The following GCSAML variants were observed in gnomAD, a reference collection of about 807,000 sequenced individuals.
The protein encoded by GCSAML is germinal center-associated signaling and motility-like protein.
Under a neutral mutation model 13.0 loss-of-function variants are expected in GCSAML, and 9 were observed. The observed-to-expected ratio is 0.69, with a 90% CI of 0.42 to 1.21. GCSAML has a LOEUF of 1.21. Ranked by LOEUF, GCSAML falls within the 50% of genes most tolerant of loss-of-function variation. GCSAML has a pLI of 0.00. For synonymous variants in GCSAML, 37 were observed against 52.9 expected (o/e 0.70, Z 1.31); for missense variants, 143 against 153.4 (o/e 0.93, Z 0.36).
At chr1:247,536,018 A>C (rs1667204321) in intron 2 of GCSAML, 1 of 152,202 alleles carries the variant, frequency 6.6e-6, no homozygotes, top group South Asian at 2.1e-4. Context: ...CTAGAATATC[A>C]AAGGCCACAT....
intron 1 of GCSAML, among the ~76,000 whole-genome samples, chr1:247,508,770 C>A (rs184692997): frequency 1.3e-5 from 2 of 152,268 alleles, no homozygotes; most frequent in Non-Finnish European, 2.9e-5. Flanking sequence ...AGAAGGAATT[C>A]TTTCCCCATT....
chr1:247,551,591 A>G (rs1667778810), intron 1 of GCSAML, among the ~76,000 whole-genome samples: 1 of 152,216 alleles, frequency 6.6e-6, no homozygotes, highest in South Asian at 2.1e-4. Flanking sequence ...ATACCAAAGA[A>G]GATGCAGGGG....
At chr1:247,517,877 G>A (rs1666268243) in intron 1 of GCSAML, among the ~76,000 whole-genome samples, 1 of 152,190 alleles carries the variant, frequency 6.6e-6, no homozygotes, top group Non-Finnish European at 1.5e-5. Flanking sequence ...GAGGGTCAAT[G>A]AGAGCTCGCG....
At chr1:247,553,920 T>A (rs1359380034) in intron 1 of GCSAML, among the ~76,000 whole-genome samples, 7 of 152,264 alleles carry the variant, frequency 4.6e-5, no homozygotes, top group Non-Finnish European at 1.0e-4. Context: ...ATTTCTGGGA[T>A]AAAACCCATT....
chr1:247,530,168 A>G (rs1232443394), intron 2 of GCSAML: 1 of 152,168 alleles, frequency 6.6e-6, no homozygotes, highest in Admixed American at 6.5e-5. Context: ...CTACTTTCAT[A>G]TTATATACAT....
rs375418538 is a variant in GCSAML, at chr1:247,563,554, C to G, written c.90-36C>G. On this transcript the variant is annotated intron_variant, in intron 2 of 4. Coordinates refer to ENST00000366488, the MANE Select transcript of GCSAML (RefSeq NM_145278.5). The stretch of plus-strand genomic sequence containing the variant: ...AAAGGCATTTTCAGCTTTGGAGAAC[C>G]TGGAGTATCTCATGTTACTATCTCT... The G allele has an allele frequency of 7.5e-6, 10 of 1,339,218 alleles. No homozygotes were observed. The East Asian group carries it at 1.4e-4, about 19-fold the overall frequency. 83.0% of individuals were successfully genotyped at this position (1,339,218 alleles called of 1,614,324 possible).
chr1:247,559,723 T>A (rs1343145168), intron 2 of GCSAML, among the ~76,000 whole-genome samples: 1 of 152,214 alleles, frequency 6.6e-6, no homozygotes, highest in Non-Finnish European at 1.5e-5. Context: ...AAGTCTGAGA[T>A]CAACATGTTG....
At chr1:247,546,359 T>A (rs1447989767), upstream of GCSAML, among the ~76,000 whole-genome samples, 1 of 151,820 alleles carries the variant, frequency 6.6e-6, no homozygotes, top group African/African-American at 2.4e-5. Flanking sequence ...CTTTATTTTT[T>A]ATTTATTTTT....
chr1:247,559,625 T>C (rs985100536), intron 2 of GCSAML, among the ~76,000 whole-genome samples: 1 of 152,216 alleles, frequency 6.6e-6, no homozygotes, highest in African/African-American at 2.4e-5. Context: ...TCTATCTATA[T>C]TCATTTACTA....
At chr1:247,517,959 C>G (rs962254351) in intron 1 of GCSAML, among the ~76,000 whole-genome samples, 3 of 152,198 alleles carry the variant, frequency 2.0e-5, no homozygotes, top group African/African-American at 7.2e-5. Context: ...TCAGCACGGC[C>G]TTTTACTTTC....
chr1:247,516,169 G>A (rs779492528), intron 1 of GCSAML, among the ~76,000 whole-genome samples: 4 of 152,108 alleles, frequency 2.6e-5, no homozygotes, highest in Non-Finnish European at 5.9e-5. Flanking sequence ...ATGTCAATAC[G>A]GCAGGACCAC....
intron 2 of GCSAML, chr1:247,530,526 C>G (rs78356657): frequency 6.7e-6 from 1 of 149,430 alleles, no homozygotes; most frequent in African/African-American, 2.4e-5. Flanking sequence ...ATCCCCCCCC[C>G]ACAAAATAAC....
chr1:247,522,036 C>T (rs1042909045), intron 1 of GCSAML, among the ~76,000 whole-genome samples: 24 of 152,120 alleles, frequency 1.6e-4, no homozygotes, highest in African/African-American at 5.3e-4. Context: ...GCCGCAACCC[C>T]GTCTGGAAGG....
intron 2 of GCSAML, chr1:247,531,547 C>T: frequency 1.2e-6 from 2 of 1,612,762 alleles, no homozygotes; most frequent in Non-Finnish European, 1.7e-6. Flanking sequence ...GCACTGGAGT[C>T]TCTAAATTTG....
At chr1:247,525,834 C>A (rs1192432553) in intron 1 of GCSAML, 1 of 152,202 alleles carries the variant, frequency 6.6e-6, no homozygotes, top group Non-Finnish European at 1.5e-5. Context: ...CAGCTCCCAT[C>A]CTGAAGCTAC....
intron 4 of GCSAML, among the ~76,000 whole-genome samples, chr1:247,571,081 A>G (rs1004513723): frequency 6.6e-6 from 1 of 151,626 alleles, no homozygotes; most frequent in Non-Finnish European, 1.5e-5. Context: ...CTTTATTTTG[A>G]GTGTATGTGT....
intron 2 of GCSAML, chr1:247,528,310 G>A (rs1558239407): frequency 6.6e-6 from 1 of 151,576 alleles, no homozygotes; most frequent in South Asian, 2.1e-4. Flanking sequence ...TTTGATACAT[G>A]TATACTTGTG....
chr1:247,534,860 T>G (rs192375008), intron 2 of GCSAML, among the ~76,000 whole-genome samples: 52 of 152,272 alleles, frequency 3.4e-4, no homozygotes, highest in African/African-American at 1.1e-3. Context: ...CTCAGAAAAC[T>G]CTAGGCATTT....
intron 1 of GCSAML, among the ~76,000 whole-genome samples, chr1:247,517,876 T>C (rs947334238): frequency 2.0e-5 from 3 of 152,124 alleles, no homozygotes; most frequent in Non-Finnish European, 4.4e-5. Context: ...GGAGGGTCAA[T>C]GAGAGCTCGC....
Sources: allele counts gnomAD v4.1 joint callset (sites outside exome capture counted in the v4.1 genomes callset), GRCh38; gene constraint gnomAD v4.1.1; transcripts MANE v1.5; gene names NCBI Gene and HGNC (gene_info 2026-07-23, HGNC 2026-07-21).